PUDP: variants seen among roughly 807,000 people sequenced by gnomAD.
PUDP encodes the protein pseudouridine-5'-phosphatase.
PUDP carries 8 observed loss-of-function variants against 9.4 expected under a neutral mutation model. The ratio of observed to expected loss-of-function variants is 0.85; its 90% CI spans 0.50 to 1.53. The LOEUF is 1.53. Ranked by LOEUF, PUDP falls within the 40% of genes most tolerant of loss-of-function variation. PUDP has a pLI of 0.00. For missense variants in PUDP, 188 were observed against 189.7 expected (o/e 0.99, Z 0.05); for synonymous variants, 99 against 80.7 (o/e 1.23, Z -1.22).
intron 2 of PUDP, among the ~76,000 whole-genome samples, chrX:7,086,640 C>G (rs1751644373): frequency 8.9e-6 from 1 of 112,010 alleles, no homozygotes; most frequent in African/African-American, 3.2e-5. Flanking sequence ...TTTGGCAGAG[C>G]ACCTCCTTCC....
intron 3 of PUDP, among the ~76,000 whole-genome samples, chrX:6,972,754 A>T (rs1427649132): frequency 1.8e-5 from 2 of 111,299 alleles, no homozygotes; most frequent in Non-Finnish European, 3.8e-5. Flanking sequence ...CTCTTTTTCT[A>T]TTGTTTGGAA....
At chrX:7,112,085 T>C (rs1932067332) in intron 1 of PUDP, among the ~76,000 whole-genome samples, 1 of 111,279 alleles carries the variant, frequency 9.0e-6, no homozygotes, top group Admixed American at 9.5e-5. Context: ...CACAAACACT[T>C]CTTAATTGCC....
chrX:7,055,447 G>C (rs1412789730), intron 3 of PUDP, among the ~76,000 whole-genome samples: 3 of 110,367 alleles, frequency 2.7e-5, no homozygotes, highest in African/African-American at 6.6e-5. Context: ...ATAGAGATGG[G>C]GTTTCGCCAT....
chrX:6,895,852 G>A (rs1053414986), intron 3 of PUDP, among the ~76,000 whole-genome samples: 1 of 110,990 alleles, frequency 9.0e-6, no homozygotes, highest in Non-Finnish European at 1.9e-5. Context: ...GTGTCTGGTG[G>A]GGACTCGCTT....
chrX:7,009,360 G>A (rs1307912508), intron 1 of PUDP, among the ~76,000 whole-genome samples: 1 of 111,980 alleles, frequency 8.9e-6, no homozygotes, highest in South Asian at 3.7e-4. Flanking sequence ...ATACTTCGGA[G>A]GGTAAAAAGT....
intron 3 of PUDP, among the ~76,000 whole-genome samples, chrX:6,923,559 G>C (rs1037663236): frequency 1.8e-5 from 2 of 111,445 alleles, no homozygotes; most frequent in Non-Finnish European, 3.8e-5. Context: ...TTCTCCTATA[G>C]TCCTCATCTA....
intron 3 of PUDP, among the ~76,000 whole-genome samples, chrX:6,867,144 G>A (rs1433124757): frequency 2.7e-5 from 3 of 111,560 alleles, no homozygotes; most frequent in Admixed American, 9.5e-5. Context: ...CAATTGCTGA[G>A]AGCCCTAAGA....
chrX:7,060,117 C>T (rs1178279443), intron 3 of PUDP, among the ~76,000 whole-genome samples: 1 of 111,674 alleles, frequency 9.0e-6, no homozygotes, highest in Non-Finnish European at 1.9e-5. Flanking sequence ...GTGCATGGCC[C>T]AGCAACCTAC....
intron 3 of PUDP, among the ~76,000 whole-genome samples, chrX:6,734,312 C>T (rs780534470): frequency 1.8e-5 from 2 of 111,398 alleles, no homozygotes; most frequent in East Asian, 5.6e-4. Flanking sequence ...AAATTTATTG[C>T]ATATTTCAAA....
At chrX:7,033,858 C>T (rs1180619264) in intron 1 of PUDP, among the ~76,000 whole-genome samples, 1 of 111,617 alleles carries the variant, frequency 9.0e-6, no homozygotes, top group East Asian at 2.8e-4. Context: ...TGGGGTGTGA[C>T]CAGTAGATTG....
intron 3 of PUDP, among the ~76,000 whole-genome samples, chrX:6,872,118 G>C (rs1310641701): frequency 9.0e-6 from 1 of 110,616 alleles, no homozygotes; most frequent in African/African-American, 3.3e-5. Flanking sequence ...ACTTCCCCAA[G>C]GCCCATCTCT....
chrX:6,779,604 C>A (rs1925523962), intron 3 of PUDP, among the ~76,000 whole-genome samples: 1 of 111,560 alleles, frequency 9.0e-6, no homozygotes, highest in African/African-American at 3.3e-5. Flanking sequence ...AACGGCATTG[C>A]AGCTTAAGGC....
At chrX:6,962,498 T>C (rs1178368761) in intron 3 of PUDP, among the ~76,000 whole-genome samples, 1 of 112,237 alleles carries the variant, frequency 8.9e-6, no homozygotes, top group Non-Finnish European at 1.9e-5. Flanking sequence ...ACTCATTTTC[T>C]ATATAACACA....
At chrX:6,789,238 C>T (rs1925697582) in intron 3 of PUDP, among the ~76,000 whole-genome samples, 1 of 109,951 alleles carries the variant, frequency 9.1e-6, no homozygotes, top group Non-Finnish European at 1.9e-5. Flanking sequence ...TGCAGTGAGC[C>T]GACATTGCAC....
intron 1 of PUDP, among the ~76,000 whole-genome samples, chrX:7,110,690 C>T (rs1173318355): frequency 1.8e-5 from 2 of 109,740 alleles, no homozygotes; most frequent in Admixed American, 1.9e-4. Flanking sequence ...GATAGGGGTG[C>T]GGCAGTTTTA....
intron 1 of PUDP, among the ~76,000 whole-genome samples, chrX:6,720,142 A>G (rs1489358430): frequency 9.7e-6 from 1 of 103,473 alleles, no homozygotes; most frequent in Admixed American, 1.1e-4. Flanking sequence ...ATACGTGTGT[A>G]TATATATGTG....
intron 1 of PUDP, among the ~76,000 whole-genome samples, chrX:6,715,937 G>C (rs1924594039): frequency 9.0e-6 from 1 of 111,427 alleles, no homozygotes; most frequent in South Asian, 3.8e-4. Context: ...TGAGAGGCCA[G>C]GGGTAGGGAC....
chrX:7,059,197 C>T (rs1337569419), intron 3 of PUDP, among the ~76,000 whole-genome samples: 1 of 111,329 alleles, frequency 9.0e-6, no homozygotes, highest in Non-Finnish European at 1.9e-5. Flanking sequence ...TGTCATTTTA[C>T]TCAATAAAAG....
chrX:6,912,598 A>G (rs1349691306), intron 3 of PUDP, among the ~76,000 whole-genome samples: 1 of 111,795 alleles, frequency 8.9e-6, no homozygotes, highest in Non-Finnish European at 1.9e-5. Context: ...AGTTGCTCAC[A>G]CTTCCTGGTC....
Sources: allele counts gnomAD v4.1 joint callset (sites outside exome capture counted in the v4.1 genomes callset), GRCh38; gene constraint gnomAD v4.1.1; transcripts MANE v1.5; gene names NCBI Gene and HGNC (gene_info 2026-07-23, HGNC 2026-07-21).